VKORC1L1: variants seen among roughly 807,000 people sequenced by gnomAD.
VKORC1L1 encodes vitamin K epoxide reductase complex subunit 1L1, also known as vitamin K epoxide reductase complex subunit 1-like protein 1.
In VKORC1L1, 2 loss-of-function variants were observed where a neutral mutation model predicts 18.9. That is an observed-to-expected ratio of 0.11 (90% CI 0.04 to 0.33). The LOEUF is 0.33. Ranked by LOEUF, VKORC1L1 falls within the 10% of genes least tolerant of loss-of-function variation. The pLI, the probability that VKORC1L1 is intolerant of heterozygous loss-of-function variation, is 1.00. For missense variants in VKORC1L1, 123 were observed against 224.1 expected, an observed-to-expected ratio of 0.55 and a Z score of 2.88; for synonymous variants, 96 against 100.0, an observed-to-expected ratio of 0.96 and a Z score of 0.24.
At chr7:65,952,402 A>G (rs1264713809) in intron 2 of VKORC1L1, among the ~76,000 whole-genome samples, 2 of 152,232 alleles carry the variant, frequency 1.3e-5, no homozygotes, top group African/African-American at 4.8e-5. Context: ...AAAAGCAGGT[A>G]GCTGGCCAGA....
chr7:65,939,235 T>A (rs1789995510), intron 1 of VKORC1L1, among the ~76,000 whole-genome samples: 1 of 152,216 alleles, frequency 6.6e-6, no homozygotes, highest in South Asian at 2.1e-4. Flanking sequence ...AATACTATCC[T>A]GTAAATGGCC....
rs147679963 is a variant in VKORC1L1, at chr7:65,952,525, C to T, written c.305-1549C>T. Among the ~76,000 whole-genome samples the T allele has an allele frequency of 1.5e-3, 234 of 151,758 alleles. 1 individual carries two copies. Among genetic ancestry groups the T allele is most frequent in the African/African-American group, 5.5e-3 (227 of 41,448 alleles). ...CCGGCCCACAGGCGTCTTCTTGTTG[C>T]ATTTTTTTTTTTGCCAACAGGGCCC... On this transcript the variant is annotated intron_variant, in intron 2 of 2. Transcript: ENST00000360768.
intron 1 of VKORC1L1, among the ~76,000 whole-genome samples, chr7:65,945,225 C>T (rs1790099705): frequency 1.3e-5 from 2 of 151,594 alleles, no homozygotes; most frequent in Non-Finnish European, 2.9e-5. Flanking sequence ...TGCGCTGCTA[C>T]ACTCCAGCCT....
chr7:65,938,899 C>A (rs1301778119), intron 1 of VKORC1L1, among the ~76,000 whole-genome samples: 1 of 152,100 alleles, frequency 6.6e-6, no homozygotes, highest in Non-Finnish European at 1.5e-5. Flanking sequence ...ACTCCGGGGG[C>A]TTTGGGTTGG....
chr7:65,944,644 C>T (rs558940715), intron 1 of VKORC1L1, among the ~76,000 whole-genome samples: 7 of 151,830 alleles, frequency 4.6e-5, no homozygotes, highest in Non-Finnish European at 1.0e-4. Context: ...TGGCTGGCCA[C>T]AGTAACTCAC....
chr7:65,929,521 T>C (rs1789821902), intron 1 of VKORC1L1, among the ~76,000 whole-genome samples: 1 of 152,066 alleles, frequency 6.6e-6, no homozygotes, highest in African/African-American at 2.4e-5. Context: ...ACAGTAGCTT[T>C]ACAACATCTT....
chr7:65,942,433 A>G (rs541237589), intron 1 of VKORC1L1, among the ~76,000 whole-genome samples: 19 of 145,358 alleles, frequency 1.3e-4, no homozygotes, highest in Non-Finnish European at 2.4e-4. Flanking sequence ...CGGAGCTTGC[A>G]GTGAGCCAAG....
upstream of VKORC1L1, among the ~76,000 whole-genome samples, chr7:65,872,444 C>G (rs1381556459): frequency 6.6e-6 from 1 of 151,390 alleles, no homozygotes; most frequent in Non-Finnish European, 1.5e-5. Context: ...TCCCGAGTAG[C>G]TGGGATTACA....
rs1790326931 is a variant in VKORC1L1 at position 65,957,936 on chromosome 7, C to A, written c.*3636C>A. On this transcript the variant is annotated 3_prime_UTR_variant, in exon 3 of 3. Transcript: ENST00000360768. ...AGAGTTATCTTCAGCAATTACTTCACAACTTAGATTGGTACCAAGAGTGAC... is the reference window on the plus strand; with the variant it reads ...AGAGTTATCTTCAGCAATTACTTCAAAACTTAGATTGGTACCAAGAGTGAC... 6.6e-6 allele frequency: 1 copy of A among 152,206 alleles called. No individual in the cohort carries two copies. Among genetic ancestry groups the A allele is most frequent in the Admixed American group, 6.5e-5 (1 of 15,286 alleles). The allele number at this position is 152,206 out of a possible 1,614,324, so 9.4% of individuals were successfully genotyped here.
chr7:65,868,322 AAAG>A (rs1228332080), upstream of VKORC1L1, among the ~76,000 whole-genome samples: 1 of 152,194 alleles, frequency 6.6e-6, no homozygotes, highest in Admixed American at 6.6e-5. Context: ...TCAGAAAAAA[AAAG>A]ATGTTGGTGA....
chr7:65,895,842 G>A (rs35391607), intron 1 of VKORC1L1, among the ~76,000 whole-genome samples: 18,969 of 149,922 alleles, frequency 0.13, 1,365 homozygotes, highest in Middle Eastern at 0.21. Context: ...ATGGTATTGG[G>A]TGAACTGAGT....
chr7:65,915,093 C>CTTTTTTTTTTTTTT (rs35662337), intron 1 of VKORC1L1, among the ~76,000 whole-genome samples: 1 of 123,572 alleles, frequency 8.1e-6, no homozygotes, highest in Non-Finnish European at 1.7e-5. Flanking sequence ...TTTTTTTTTT[C>CTTTTTTTTTTTTTT]TTTTTTTTTT....
At chr7:65,914,040 T>TA (rs1229538282) in intron 1 of VKORC1L1, among the ~76,000 whole-genome samples, 8 of 152,110 alleles carry the variant, frequency 5.3e-5, no homozygotes, top group African/African-American at 1.9e-4. Flanking sequence ...AGAGGCATTA[T>TA]AAAAAAATAA....
intron 1 of VKORC1L1, among the ~76,000 whole-genome samples, chr7:65,893,267 G>T (rs1789138274): frequency 6.6e-6 from 1 of 152,158 alleles, no homozygotes. Flanking sequence ...TTTGGACCTG[G>T]TGTGGTGGCT....
chr7:65,930,918 G>A (rs1449538706), intron 1 of VKORC1L1, among the ~76,000 whole-genome samples: 1 of 152,118 alleles, frequency 6.6e-6, no homozygotes, highest in African/African-American at 2.4e-5. Context: ...CTAGCTTGCA[G>A]AGAAATTTAA....
At chr7:65,883,977 A>C (rs1402458628) in intron 1 of VKORC1L1, among the ~76,000 whole-genome samples, 1 of 152,214 alleles carries the variant, frequency 6.6e-6, no homozygotes, top group Non-Finnish European at 1.5e-5. Flanking sequence ...TTAAAAACTC[A>C]TCGTATTTGA....
chr7:65,885,987 C>T (rs1003956452), intron 1 of VKORC1L1, among the ~76,000 whole-genome samples: 2 of 152,164 alleles, frequency 1.3e-5, no homozygotes, highest in African/African-American at 4.8e-5. Context: ...GTCTTTCCAT[C>T]AAGGAGCATA....
At chr7:65,919,246 G>A (rs1789636346) in intron 1 of VKORC1L1, among the ~76,000 whole-genome samples, 1 of 152,062 alleles carries the variant, frequency 6.6e-6, no homozygotes, top group Admixed American at 6.6e-5. Context: ...TTGATTAATG[G>A]ATTGATGGAT....
At chr7:65,935,971 A>G (rs914988997) in intron 1 of VKORC1L1, among the ~76,000 whole-genome samples, 4 of 150,822 alleles carry the variant, frequency 2.7e-5, no homozygotes, top group African/African-American at 7.3e-5. Context: ...TTAAGTCTCT[A>G]TTCTTTTTTT....
Sources: gnomAD v4.1 joint callset for allele counts (sites outside exome capture counted in the v4.1 genomes callset) on GRCh38, gnomAD v4.1.1 for gene constraint, MANE v1.5 for transcripts, NCBI Gene and HGNC (gene_info 2026-07-23, HGNC 2026-07-21) for gene names.